PCDHGA1: variants seen among roughly 807,000 people sequenced by gnomAD.
PCDHGA1 encodes the protein protocadherin gamma-A1.
Under a neutral mutation model 58.0 loss-of-function variants are expected in PCDHGA1, and 32 were observed. That is an observed-to-expected ratio of 0.55 (90% CI 0.42 to 0.74). The LOEUF is 0.74. Ranked by LOEUF, PCDHGA1 falls within the 30% of genes least tolerant of loss-of-function variation. PCDHGA1 has a pLI of 0.00. For missense variants in PCDHGA1, 1,205 were observed against 1,182.3 expected (o/e 1.02, Z -0.28); for synonymous variants, 498 against 501.1 (o/e 0.99, Z 0.08).
intron 1 of PCDHGA1, chr5:141,410,268 A>C: frequency 6.2e-7 from 1 of 1,613,994 alleles, no homozygotes. Context: ...GCTGAACTGC[A>C]GTTTTACCTG....
chr5:141,421,924 G>A, intron 1 of PCDHGA1: 1 of 1,613,564 alleles, frequency 6.2e-7, no homozygotes, highest in South Asian at 1.1e-5. Context: ...TCGTGTGGTG[G>A]TCCTCGATGT....
At chr5:141,370,759 T>C in intron 1 of PCDHGA1, 3 of 1,614,022 alleles carry the variant, frequency 1.9e-6, no homozygotes, top group Non-Finnish European at 1.7e-6. Flanking sequence ...GTAACTGTGC[T>C]GATCCAGGAT....
chr5:141,505,742 G>A (rs1024914690), intron 3 of PCDHGA1, among the ~76,000 whole-genome samples: 1 of 152,150 alleles, frequency 6.6e-6, no homozygotes, highest in Non-Finnish European at 1.5e-5. Flanking sequence ...TACAAGTCTA[G>A]CTCTGGAATG....
rs780007896 is a variant in PCDHGA1 at position 141,399,692 on chromosome 5, G to T, written c.2421+66587G>T. 1.2e-5 allele frequency: 19 copies of T among 1,613,318 alleles called. No individual in the cohort carries two copies. The South Asian group carries it at 2.1e-4, about 18-fold the overall frequency. ...CGCGCCTTTGACTACGAGCAGCTGC[G>T]CACCTTCGAACTCACACTACAGGCC... On this transcript the variant is annotated intron_variant, in intron 1 of 3. Coordinates refer to ENST00000517417, the MANE Select transcript of PCDHGA1 (RefSeq NM_018912.3).
In PCDHGA1 at chr5:141,487,934, C is replaced by T; in HGVS notation, c.2422-6873C>T. 4.9e-6 allele frequency: 3 copies of T among 607,674 alleles called. No homozygotes were observed. The highest frequency in any genetic ancestry group is 2.1e-5 in the South Asian group (1 of 48,014). 37.6% of individuals were successfully genotyped at this position (607,674 alleles called of 1,614,324 possible). Reference sequence around the variant, plus strand: ...ACAGGAGGCTACAGTGCACAGGGTACAGTGCACCAGGCAGTCACTTGGACA... The same window carrying T: ...ACAGGAGGCTACAGTGCACAGGGTATAGTGCACCAGGCAGTCACTTGGACA... On this transcript the variant is annotated intron_variant, in intron 1 of 3. Transcript: ENST00000517417. This position sits in a 1 kb window ranked among gnomAD's most constrained non-coding sequence, Gnocchi z 5.0.
rs2099419063 is a variant in PCDHGA1 at position 141,477,824 on chromosome 5, C to G, written c.2422-16983C>G. On this transcript the variant is annotated intron_variant, in intron 1 of 3. Coordinates refer to ENST00000517417, the MANE Select transcript of PCDHGA1 (RefSeq NM_018912.3). This position sits in a 1 kb window ranked among gnomAD's most constrained non-coding sequence, Gnocchi z 4.9. ...TGACAATGCCCCCCAGGTCCTATAT[C>G]CTCGGCCAGGTGGGAGCTCGGTGGA... is the stretch of plus-strand genomic sequence containing the variant. 5.6e-6 allele frequency: 9 copies of G among 1,614,196 alleles called. No individual in the cohort carries two copies. The highest frequency in any genetic ancestry group is 5.9e-6 in the Non-Finnish European group (7 of 1,180,034).
chr5:141,366,550 T>C (rs780049739), intron 1 of PCDHGA1: 5 of 1,614,136 alleles, frequency 3.1e-6, no homozygotes, highest in African/African-American at 2.7e-5. Flanking sequence ...CCTCGCACTT[T>C]GTGGGCGTGG....
Position 141,505,427 on chromosome 5 carries a change from A to G in PCDHGA1, c.2515A>G (p.Asn839Asp), listed in dbSNP as rs1453435374. Reference protein sequence around the residue: ...QNGDDTGTWPNNQFDTEMLQA... With the variant: ...QNGDDTGTWPDNQFDTEMLQA... The stretch of plus-strand genomic sequence containing the variant: ...TGGCGATGACACCGGCACCTGGCCC[A>G]ACAACCAGTTTGACACAGAGATGCT... The change falls in exon 3 of 4, where the codon AAC (asparagine) becomes GAC (aspartate). Residue 839 changes from asparagine to aspartate, a missense_variant. Physicochemically the swap from Asn to Asp is conservative, Grantham distance 23 (BLOSUM62 1). Coordinates refer to ENST00000517417, the MANE Select transcript of PCDHGA1 (RefSeq NM_018912.3). 1 of 1,614,230 alleles carries G rather than the reference A, an allele frequency of 6.2e-7. No individual in the cohort carries two copies. Among genetic ancestry groups the G allele is most frequent in the East Asian group, 2.2e-5 (1 of 44,878 alleles).
rs1561470892 is a variant in PCDHGA1, at chr5:141,331,283, T to C, written c.599T>C (p.Leu200Ser). Residue 200 changes from leucine (L) to serine (S), a missense_variant, in exon 1 of 4, where the codon TTA (leucine) becomes TCA (serine). Leu to Ser is a moderately radical substitution (Grantham distance 145, BLOSUM62 -2). Transcript: ENST00000517417. ...CCAGAGATGGTGCTGCAGAGTCCCTTAGACAGAGAAGAAGAAGCTGTCCAC... is the reference window on the plus strand; with the variant it reads ...CCAGAGATGGTGCTGCAGAGTCCCTCAGACAGAGAAGAAGAAGCTGTCCAC... ...QHPEMVLQSP[L>S]DREEEAVHHL... 3 of 1,614,046 alleles carry C rather than the reference T, an allele frequency of 1.9e-6. No individual in the cohort carries two copies. Among genetic ancestry groups the C allele is most frequent in the Non-Finnish European group, 2.5e-6 (3 of 1,180,024 alleles).
chr5:141,378,118 C>T (rs1196603036), intron 1 of PCDHGA1: 3 of 152,190 alleles, frequency 2.0e-5, no homozygotes, highest in Non-Finnish European at 4.4e-5. Context: ...ATAGTGAACA[C>T]GTATTTGTTG....
At chr5:141,384,610 G>A in intron 1 of PCDHGA1, 1 of 1,614,238 alleles carries the variant, frequency 6.2e-7, no homozygotes, top group Non-Finnish European at 8.5e-7. Context: ...CCCCACAGAT[G>A]GTTCTACTGG....
At chr5:141,386,140 G>A (rs1246033956) in intron 1 of PCDHGA1, 1 of 152,170 alleles carries the variant, frequency 6.6e-6, no homozygotes, top group African/African-American at 2.4e-5. Context: ...TACTGGCTTT[G>A]TTTCAACTGT....
At chr5:141,347,075 C>T (rs1757861488) in intron 1 of PCDHGA1, among the ~76,000 whole-genome samples, 1 of 150,274 alleles carries the variant, frequency 6.7e-6, no homozygotes, top group Admixed American at 6.6e-5. Context: ...TCCTTCCTCT[C>T]TCTCTTTCCT....
chr5:141,387,492 G>C (rs779250536), intron 1 of PCDHGA1, among the ~76,000 whole-genome samples: 1 of 152,220 alleles, frequency 6.6e-6, no homozygotes, highest in Non-Finnish European at 1.5e-5. Flanking sequence ...GCATTCCTAA[G>C]AGTACATTTT....
intron 1 of PCDHGA1, among the ~76,000 whole-genome samples, chr5:141,444,315 G>A (rs2098431855): frequency 6.6e-6 from 1 of 151,946 alleles, no homozygotes; most frequent in South Asian, 2.1e-4. Flanking sequence ...AGGATTACAG[G>A]CATGTGCCAC....
intron 1 of PCDHGA1, chr5:141,424,664 A>G (rs923488035): frequency 1.3e-5 from 2 of 152,124 alleles, no homozygotes; most frequent in African/African-American, 4.8e-5. Context: ...CTTTAATTAA[A>G]CTGATTTAGC....
intron 1 of PCDHGA1, among the ~76,000 whole-genome samples, chr5:141,358,915 G>C (rs28587232): frequency 2.6e-5 from 4 of 152,190 alleles, no homozygotes; most frequent in Non-Finnish European, 5.9e-5. Flanking sequence ...AATATTTTGT[G>C]TGTAGGGGAT....
chr5:141,431,325 G>A lies in PCDHGA1; in HGVS notation c.2422-63482G>A. On this transcript the variant is annotated intron_variant, in intron 1 of 3. Transcript: ENST00000517417. The surrounding 1 kb of genome is among the most constrained non-coding windows in gnomAD (Gnocchi z 4.8). ...ATCGTGCAAAATGGAGCCGACGGTA[G>A]TAAGTACCCCGAATTGGTGCTGAAA... is the stretch of plus-strand genomic sequence containing the variant. 6.2e-7 allele frequency: 1 copy of A among 1,614,144 alleles called. No homozygotes were observed. The highest frequency in any genetic ancestry group is 8.5e-7 in the Non-Finnish European group (1 of 1,180,052).
At position 141,363,638 on chromosome 5, in the gene PCDHGA1, C is replaced by A. The variant is rs116516403; in HGVS notation, c.2421+30533C>A. ...TGGAGAGACTTTCTCAAAGTCCTCA[C>A]AAGTAACAAAGATCTTTATTTCTTC... On this transcript the variant is annotated intron_variant, in intron 1 of 3. Coordinates refer to ENST00000517417, the MANE Select transcript of PCDHGA1 (RefSeq NM_018912.3). 6.6e-4 allele frequency among the ~76,000 whole-genome samples: 101 copies of A among 152,308 alleles called. 1 individual carries two copies. The highest frequency in any genetic ancestry group is 2.4e-3 in the African/African-American group (100 of 41,570).
Sources: gnomAD v4.1 joint callset for allele counts (sites outside exome capture counted in the v4.1 genomes callset) on GRCh38, gnomAD v4.1.1 for gene constraint, Gnocchi (gnomAD v3.1) non-coding constraint, MANE v1.5 for transcripts, NCBI Gene and HGNC (gene_info 2026-07-23, HGNC 2026-07-21) for gene names.